Variants in SYNM observed in about 807,000 individuals in gnomAD.
SYNM encodes synemin.
Under a neutral mutation model 104.0 loss-of-function variants are expected in SYNM, and 95 were observed. The observed-to-expected ratio is 0.91, with a 90% CI of 0.77 to 1.08. The LOEUF (loss-of-function observed/expected upper bound fraction) is 1.08, where lower values mean the gene tolerates loss of function less well. Among genes scored for constraint, SYNM ranks in the 50% least tolerant of loss-of-function variants. SYNM has a pLI of 0.00. For missense variants in SYNM, 2,150 were observed against 2,052.2 expected (o/e 1.05, Z -0.92); for synonymous variants, 918 against 869.0 (o/e 1.06, Z -0.99).
downstream of SYNM, chr15:99,139,665 T>A: frequency 7.0e-7 from 1 of 1,425,062 alleles, no homozygotes; most frequent in Non-Finnish European, 9.3e-7. Flanking sequence ...GTAGTATTTT[T>A]AAAAATAAAG....
chr15:99,109,135 G>A (rs2067276833), intron 1 of SYNM, among the ~76,000 whole-genome samples: 1 of 152,150 alleles, frequency 6.6e-6, no homozygotes, highest in Admixed American at 6.5e-5. Context: ...TTCTACTTGA[G>A]GGGAAACTGG....
At chr15:99,135,743 C>A (rs1341333171), downstream of SYNM, 4 of 152,216 alleles carry the variant, frequency 2.6e-5, no homozygotes, top group Admixed American at 6.5e-5. Flanking sequence ...TTCTCTAATT[C>A]CTCACCTGAA....
In SYNM at chr15:99,132,235, TAGG is replaced by T. The variant is rs1567285334; in HGVS notation, c.3878_3880del (p.Gly1293del). The stretch of plus-strand genomic sequence containing the variant: ...TCAGACAAGGTGGAGTTGGGTGTCA[TAGG>T]AGATTCTGTACACATGGAAGGGTTG... On this transcript the variant is annotated inframe_deletion, in exon 4 of 4. Transcript: ENST00000336292. 9 of 1,611,208 alleles carry T rather than the reference TAGG, an allele frequency of 5.6e-6. No individual in the cohort carries two copies. The highest frequency in any genetic ancestry group is 6.8e-6 in the Non-Finnish European group (8 of 1,178,118).
Position 99,125,194 on chromosome 15 carries a change from G to A in SYNM, c.936-1528G>A, listed in dbSNP as rs1020345620. Among the ~76,000 whole-genome samples, 4 of 152,316 alleles carry A rather than the reference G, an allele frequency of 2.6e-5. No homozygotes were observed. In the East Asian group the frequency reaches 5.8e-4, roughly 22 times the overall value. On this transcript the variant is annotated intron_variant, in intron 2 of 3. Coordinates refer to ENST00000336292, the MANE Select transcript of SYNM (RefSeq NM_145728.3). ...ACTAGAACCTAGTCTTTCTCCCCAC[G>A]CCCTGCCCTGGCTCCTCAGCTGCAG...
chr15:99,128,001 C>CTTCATTCATTCATTCA lies in SYNM; in HGVS notation c.1006+1228_1006+1243dup, dbSNP rs57585643. 1.7e-3 allele frequency among the ~76,000 whole-genome samples: 258 copies of CTTCATTCATTCATTCA among 151,152 alleles called. 2 individuals are homozygous for CTTCATTCATTCATTCA. The highest frequency in any genetic ancestry group is 4.4e-3 in the African/African-American group (181 of 41,136). ...GCTAACAGCTGTTGCTGTTAACTTG[C>CTTCATTCATTCATTCA]TTCATTCATTCATTCATTCATTCAT... On this transcript the variant is annotated intron_variant, in intron 3 of 3. Coordinates refer to ENST00000336292, the MANE Select transcript of SYNM (RefSeq NM_145728.3).
At chr15:99,115,779 C>T (rs138216374) in intron 2 of SYNM, among the ~76,000 whole-genome samples, 71 of 152,278 alleles carry the variant, frequency 4.7e-4, no homozygotes, top group Middle Eastern at 3.4e-3. Flanking sequence ...GGATTTTTTG[C>T]TCTAAGAATA....
chr15:99,117,198 T>A lies in SYNM; in HGVS notation c.935+3483T>A, dbSNP rs183655560. On this transcript the variant is annotated intron_variant, in intron 2 of 3. Coordinates refer to ENST00000336292, the MANE Select transcript of SYNM (RefSeq NM_145728.3). ...AATCCTTAGTTTCAGGTACAGCTGG[T>A]CCACATGGCGGGATGGTCTCTCTCT... Among the ~76,000 whole-genome samples the A allele has an allele frequency of 2.8e-4, 42 of 152,254 alleles. 6 individuals are homozygous for A. Among genetic ancestry groups the A allele is most frequent in the Admixed American group, 2.7e-3 (42 of 15,284 alleles).
chr15:99,115,346 G>C (rs2067337729), intron 2 of SYNM, among the ~76,000 whole-genome samples: 2 of 152,072 alleles, frequency 1.3e-5, no homozygotes, highest in African/African-American at 2.4e-5. Flanking sequence ...GTAGAGCAGG[G>C]ACCATCCCCA....
chr15:99,106,130 C>T (rs1314570994), intron 1 of SYNM, 121 bp downstream of exon 1: 5 of 1,119,990 alleles, frequency 4.5e-6, no homozygotes, highest in East Asian at 3.1e-5. Context: ...ACCGGTAGGG[C>T]CCGCCCAGAG....
At chr15:99,119,760 A>G in intron 2 of SYNM, among the ~76,000 whole-genome samples, 1 of 152,236 alleles carries the variant, frequency 6.6e-6, no homozygotes, top group Non-Finnish European at 1.5e-5. Context: ...GTCATGTCAA[A>G]ATGAATACTT....
rs1343704108 is a variant in SYNM, at chr15:99,131,417, G to T, written c.3057G>T (p.Leu1019=). 1.9e-6 allele frequency: 3 copies of T among 1,610,838 alleles called. No homozygotes were observed. In the African/African-American group the frequency reaches 4.0e-5, roughly 21 times the overall value. ...CCGATCGGTTAGACCTGGAGGAGCT[G>T]AGCAAAGATGAGGCCAGTGAGATGG... ...VDADRLDLEE[L]SKDEASEMEK... Residue 1019 remains leucine, a synonymous_variant, in exon 4 of 4, where the codon CTG becomes CTT. Transcript: ENST00000336292. This position sits in a 1 kb window ranked among gnomAD's most constrained non-coding sequence, Gnocchi z 4.3.
chr15:99,135,842 A>G (rs192850735), downstream of SYNM, among the ~76,000 whole-genome samples: 1 of 152,356 alleles, frequency 6.6e-6, no homozygotes, highest in African/African-American at 2.4e-5. Context: ...ACACTGGACA[A>G]TTTGTGGTAA....
At chr15:99,106,093 C>T (rs1441975903) in intron 1 of SYNM, 84 bp downstream of exon 1, 4 of 1,317,686 alleles carry the variant, frequency 3.0e-6, no homozygotes, top group African/African-American at 3.1e-5. Context: ...GGGCAGCGGC[C>T]CCTTCACCAG....
At chr15:99,139,882 AC>A, downstream of SYNM, 1 of 625,744 alleles carries the variant, frequency 1.6e-6, no homozygotes, top group African/African-American at 1.9e-5. Context: ...CTTATGGACT[AC>A]CCAGGGCTGG....
Position 99,130,434 on chromosome 15 carries a change from C to T in SYNM, c.2074C>T (p.Leu692=). Residue 692 remains leucine, a synonymous_variant, in exon 4 of 4, where the codon CTG becomes TTG. Transcript: ENST00000336292. ...GACTGAAATAGTTGTGGAGTCTAAACTGACTGAGGATGTTGATGTTTCCGA... is the reference window on the plus strand; with the variant it reads ...GACTGAAATAGTTGTGGAGTCTAAATTGACTGAGGATGTTGATGTTTCCGA... ...TKTEIVVESK[L]TEDVDVSDEA... The T allele has an allele frequency of 3.1e-6, 5 of 1,613,870 alleles. No individual in the cohort carries two copies. The highest frequency in any genetic ancestry group is 4.2e-6 in the Non-Finnish European group (5 of 1,179,888).
chr15:99,123,984 G>A (rs2067425274), intron 2 of SYNM, among the ~76,000 whole-genome samples: 1 of 152,272 alleles, frequency 6.6e-6, no homozygotes, highest in African/African-American at 2.4e-5. Context: ...TCTGCACTGT[G>A]GGTTTGTCCT....
At chr15:99,108,802 C>T (rs544081247) in intron 1 of SYNM, among the ~76,000 whole-genome samples, 3 of 152,186 alleles carry the variant, frequency 2.0e-5, no homozygotes, top group Non-Finnish European at 2.9e-5. Flanking sequence ...TTTCTCTCTT[C>T]TGTCTGTTTG....
At chr15:99,139,804 TAATA>T (rs1452978825), downstream of SYNM, 39 of 1,217,428 alleles carry the variant, frequency 3.2e-5, no homozygotes, top group African/African-American at 5.9e-4. Context: ...CTACTTTTAT[TAATA>T]TATAGGCTGT....
rs11269259 is a variant in SYNM, at chr15:99,133,841, T to TTTCTGTTATAGCCTAAG, written c.*788_*789insTTATAGCCTAAGTTCTG. Reference sequence around the variant, plus strand: ...AAGTAGCACACAGTCTGAATGCCCTTTTCTGGAGTGGCCAGTTCCTATCAG... The same window carrying TTTCTGTTATAGCCTAAG: ...AAGTAGCACACAGTCTGAATGCCCTTTTCTGTTATAGCCTAAGTTCTGGAGTGGCCAGTTCCTATCAG... On this transcript the variant is annotated 3_prime_UTR_variant, in exon 4 of 4. Coordinates refer to ENST00000336292, the MANE Select transcript of SYNM (RefSeq NM_145728.3). 45,251 of 151,910 alleles carry TTTCTGTTATAGCCTAAG rather than the reference T, an allele frequency of 0.3. 7,969 individuals carry two copies. The highest frequency in any genetic ancestry group is 0.49 in the African/African-American group (20,430 of 41,326). The allele number at this position is 151,910 out of a possible 1,614,324, so 9.4% of individuals were successfully genotyped here.
Sources: gnomAD v4.1 joint callset for allele counts (sites outside exome capture counted in the v4.1 genomes callset) on GRCh38, gnomAD v4.1.1 for gene constraint, Gnocchi (gnomAD v3.1) non-coding constraint, MANE v1.5 for transcripts, NCBI Gene and HGNC (gene_info 2026-07-23, HGNC 2026-07-21) for gene names.